Variants in ATM observed in about 807,000 individuals in gnomAD.
The protein encoded by ATM is serine-protein kinase ATM.
Under a neutral mutation model 387.0 loss-of-function variants are expected in ATM, and 308 were observed. The ratio of observed to expected loss-of-function variants is 0.80; its 90% CI spans 0.73 to 0.87. The LOEUF (loss-of-function observed/expected upper bound fraction) is 0.87. ATM is among the 40% of genes least tolerant of loss of function. ATM has a pLI of 0.00. For synonymous variants in ATM, 1,156 were observed against 1,187.3 expected (o/e 0.97, Z 0.54); for missense variants, 3,312 against 3,560.9 (o/e 0.93, Z 1.78).
At position 108,345,278 on chromosome 11, in the gene ATM, C is replaced by T. The variant is rs73545028; in HGVS notation, c.8419-465C>T. Among the ~76,000 whole-genome samples the T allele has an allele frequency of 5.1e-3, 782 of 152,272 alleles. 9 individuals carry two copies. Among genetic ancestry groups the T allele is most frequent in the African/African-American group, 0.018 (733 of 41,544 alleles). On this transcript the variant is annotated intron_variant, in intron 57 of 62. Transcript: ENST00000675843. ...CACATAGATGGAAGGGAGTTGAAGT[C>T]GGTAAGCTTTGCTTCAGGTAGTATT...
chr11:108,229,400 T>C, intron 4 of ATM, 77 bp downstream of exon 4: 1 of 1,339,316 alleles, frequency 7.5e-7, no homozygotes, highest in Non-Finnish European at 1.0e-6. Flanking sequence ...TTTCAGATCA[T>C]TTTAAGGACT....
At chr11:108,284,798 A>G (rs906672940) in intron 26 of ATM, among the ~76,000 whole-genome samples, 3 of 152,192 alleles carry the variant, frequency 2.0e-5, no homozygotes, top group African/African-American at 7.2e-5. Context: ...GGAATACTAA[A>G]CAGTGTACAG....
At position 108,335,972 on chromosome 11, in the gene ATM, G is replaced by A. The variant is rs769204788; in HGVS notation, c.8268+11G>A. 2.5e-6 allele frequency: 4 copies of A among 1,588,224 alleles called. No individual in the cohort carries two copies. The highest frequency in any genetic ancestry group is 2.2e-5 in the East Asian group (1 of 44,704). On this transcript the variant is annotated intron_variant, in intron 56 of 62. Transcript: ENST00000675843. ...ATCTGTACTTATAAGGTAACTATTT[G>A]TACTTCTGTTAGTTCACCAAAAACA...
chr11:108,279,484 T>C lies in ATM; in HGVS notation c.3285-7T>C, dbSNP rs913535107. On this transcript the variant is annotated splice_region_variant and splice_polypyrimidine_tract_variant and intron_variant, in intron 22 of 62. Transcript: ENST00000675843. ...TTTTGTTTGTTTGTTTGCTTGCTTGTTTTAAGATTGTTCCAGGACACGAAG... is the reference window on the plus strand; with the variant it reads ...TTTTGTTTGTTTGTTTGCTTGCTTGCTTTAAGATTGTTCCAGGACACGAAG... The C allele has an allele frequency of 5.0e-6, 8 of 1,591,820 alleles. No homozygotes were observed. The highest frequency in any genetic ancestry group is 6.9e-6 in the Non-Finnish European group (8 of 1,163,332).
At chr11:108,241,313 G>A (rs1049482532) in intron 5 of ATM, among the ~76,000 whole-genome samples, 1 of 152,144 alleles carries the variant, frequency 6.6e-6, no homozygotes, top group Non-Finnish European at 1.5e-5. Context: ...GAGGAATATA[G>A]TATAAAATGG....
At chr11:108,274,667 A>G (rs1379547303) in intron 22 of ATM, among the ~76,000 whole-genome samples, 1 of 152,116 alleles carries the variant, frequency 6.6e-6, no homozygotes, top group Non-Finnish European at 1.5e-5. Context: ...GTTTCCATGT[A>G]GTTGTGTGGT....
chr11:108,278,079 T>C (rs2082042535), intron 22 of ATM, among the ~76,000 whole-genome samples: 1 of 152,202 alleles, frequency 6.6e-6, no homozygotes, highest in East Asian at 1.9e-4. Flanking sequence ...ACATCAAAGC[T>C]GAAAATCATT....
At chr11:108,344,974 G>T (rs1228963284) in intron 57 of ATM, among the ~76,000 whole-genome samples, 3 of 151,924 alleles carry the variant, frequency 2.0e-5, no homozygotes, top group Non-Finnish European at 2.9e-5. Context: ...CTGCACTCCA[G>T]TCCAGGTGAC....
At chr11:108,306,779 T>C (rs1044342665) in intron 37 of ATM, among the ~76,000 whole-genome samples, 1 of 152,234 alleles carries the variant, frequency 6.6e-6, no homozygotes, top group African/African-American at 2.4e-5. Context: ...CAAACTCAGC[T>C]GTCCAAAAGC....
In ATM at chr11:108,368,278, GAC is replaced by G. The variant is rs1156722104; in HGVS notation, c.*2771_*2772del. 2.6e-5 allele frequency: 5 copies of G among 190,716 alleles called. No individual in the cohort carries two copies. The highest frequency in any genetic ancestry group is 5.2e-5 in the Non-Finnish European group (5 of 95,894). 11.8% of individuals were successfully genotyped at this position (190,716 alleles called of 1,614,324 possible). On this transcript the variant is annotated 3_prime_UTR_variant, in exon 63 of 63. Coordinates refer to ENST00000675843, the MANE Select transcript of ATM (RefSeq NM_000051.4). ...TATTCCAGCCTTGGCGACAGAGCAA[GAC>G]TCTGCCTCAAAAAAAAAAAAAAAAA...
intron 16 of ATM, among the ~76,000 whole-genome samples, chr11:108,260,030 CTTTTT>C (rs754362678): frequency 1.1e-5 from 1 of 94,612 alleles, no homozygotes; most frequent in Non-Finnish European, 2.1e-5. Context: ...CTTATCTGCT[CTTTTT>C]TTTTTTTTTT....
At chr11:108,262,277 C>T (rs141083542) in intron 16 of ATM, among the ~76,000 whole-genome samples, 3,238 of 152,288 alleles carry the variant, frequency 0.021, 87 homozygotes, top group African/African-American at 0.067. Flanking sequence ...AGACTAACAG[C>T]GGATCTCTCC....
chr11:108,260,531 C>T (rs1241240827), intron 16 of ATM, among the ~76,000 whole-genome samples: 1 of 152,152 alleles, frequency 6.6e-6, no homozygotes, highest in Non-Finnish European at 1.5e-5. Context: ...TTGTCATTGT[C>T]CTCCAAAATA....
At chr11:108,296,975 T>G (rs2083156450) in intron 32 of ATM, 2 of 341,714 alleles carry the variant, frequency 5.9e-6, no homozygotes, top group East Asian at 7.2e-5. Context: ...CCAAAGTCCC[T>G]TCTAGCTTTA....
chr11:108,346,039 C>G (rs553937078), intron 58 of ATM, 131 bp downstream of exon 58: 1 of 953,746 alleles, frequency 1.0e-6, no homozygotes. Context: ...AGTAACCAAC[C>G]CATCTTCATT....
Position 108,307,961 on chromosome 11 carries a change from G to A in ATM, c.5739G>A (p.Val1913=). The stretch of plus-strand genomic sequence containing the variant: ...CACAAAGAACAATGCTTGCTGTTGT[G>A]GACTACATGAGAAGACAAAAGAGGT... The part of the protein sequence containing the change: ...KKSQRTMLAV[V]DYMRRQKRPS... Residue 1913 remains valine, a synonymous_variant, in exon 38 of 63, where the codon GTG becomes GTA. Coordinates refer to ENST00000675843, the MANE Select transcript of ATM (RefSeq NM_000051.4). The A allele has an allele frequency of 6.2e-7, 1 of 1,613,362 alleles. No individual in the cohort carries two copies.
At chr11:108,268,669 A>G in intron 18 of ATM, 60 bp downstream of exon 18, 4 of 1,509,494 alleles carry the variant, frequency 2.6e-6, no homozygotes, top group Non-Finnish European at 3.7e-6. Flanking sequence ...ACTAAATGTA[A>G]TGAGTTGACA....
chr11:108,347,366 G>T lies in ATM; in HGVS notation c.8671+1G>T, dbSNP rs1555139694. 6.3e-7 allele frequency: 1 copy of T among 1,581,670 alleles called. No individual in the cohort carries two copies. The highest frequency in any genetic ancestry group is 1.1e-5 in the South Asian group (1 of 90,384). ...GCAGAACTTGTACATATAGATCTAG[G>T]TAAGTAATAAAATCTATGTATCTAT... On this transcript the variant is annotated splice_donor_variant, in intron 59 of 62. Transcript: ENST00000675843. LOFTEE classifies it high-confidence loss of function.
Position 108,235,821 on chromosome 11 carries a change from G to C in ATM, c.483G>C (p.Gln161His), listed in dbSNP as rs864622742. Residue 161 changes from glutamine to histidine, a missense_variant, in exon 5 of 63, where the codon CAG (glutamine) becomes CAC (histidine). Transcript: ENST00000675843. ...GAAAATACTGGTGTGAAATATCTCA[G>C]CAACAGTGGTTAGGTATGTTTTGAA... Reference protein sequence around the residue: ...SVRKYWCEISQQQWLELFSVY... With the variant: ...SVRKYWCEISHQQWLELFSVY... 6.2e-7 allele frequency: 1 copy of C among 1,613,770 alleles called. No homozygotes were observed. The highest frequency in any genetic ancestry group is 8.5e-7 in the Non-Finnish European group (1 of 1,179,834).
Sources: allele counts gnomAD v4.1 joint callset (sites outside exome capture counted in the v4.1 genomes callset), GRCh38; gene constraint gnomAD v4.1.1; transcripts MANE v1.5; gene names NCBI Gene and HGNC (gene_info 2026-07-23, HGNC 2026-07-21).